CDK13: variants seen among roughly 807,000 people sequenced by gnomAD.
The protein encoded by CDK13 is cyclin-dependent kinase 13.
In CDK13, 40 loss-of-function variants were observed where a neutral mutation model predicts 137.6. The observed-to-expected ratio is 0.29, with a 90% CI of 0.23 to 0.38. The LOEUF (loss-of-function observed/expected upper bound fraction) is 0.38. Ranked by LOEUF, CDK13 falls within the 10% of genes least tolerant of loss-of-function variation. The pLI is 1.00. For missense variants in CDK13, 1,704 were observed against 1,951.8 expected (o/e 0.87, Z 2.39); for synonymous variants, 869 against 760.1 (o/e 1.14, Z -2.36).
At chr7:40,063,544 C>A (rs1408331471) in intron 9 of CDK13, among the ~76,000 whole-genome samples, 1 of 152,154 alleles carries the variant, frequency 6.6e-6, no homozygotes, top group East Asian at 1.9e-4. Context: ...CACTAAAATA[C>A]ATGCATATAC....
At chr7:40,091,243 G>A (rs779925618) in intron 12 of CDK13, among the ~76,000 whole-genome samples, 25 of 152,220 alleles carry the variant, frequency 1.6e-4, no homozygotes, top group Admixed American at 1.6e-3. Context: ...AGCTACTCGG[G>A]AGGCTGAGGC....
chr7:39,951,927 C>T, intron 1 of CDK13, 75 bp downstream of exon 1: 1 of 1,304,804 alleles, frequency 7.7e-7, no homozygotes, highest in Non-Finnish European at 9.8e-7. Flanking sequence ...AAAGTGGTGC[C>T]CGGGTCCTCA....
chr7:39,962,286 C>T (rs1783761915), intron 1 of CDK13, among the ~76,000 whole-genome samples: 1 of 152,214 alleles, frequency 6.6e-6, no homozygotes, highest in African/African-American at 2.4e-5. Flanking sequence ...TCCACATCCT[C>T]TCCAGCACCT....
chr7:40,027,929 C>CTT (rs1415883890), intron 5 of CDK13, among the ~76,000 whole-genome samples: 1 of 151,842 alleles, frequency 6.6e-6, no homozygotes, highest in Non-Finnish European at 1.5e-5. Flanking sequence ...GGAACGTAGG[C>CTT]CCTTGCCATA....
At chr7:40,025,407 A>T (rs752847201) in intron 5 of CDK13, among the ~76,000 whole-genome samples, 20 of 152,116 alleles carry the variant, frequency 1.3e-4, no homozygotes, top group Admixed American at 8.5e-4. Context: ...GTTTATATAA[A>T]ATTATAATTT....
At chr7:40,042,022 T>C (rs2150512530) in intron 5 of CDK13, among the ~76,000 whole-genome samples, 1 of 152,320 alleles carries the variant, frequency 6.6e-6, no homozygotes, top group East Asian at 1.9e-4. Context: ...AGGCATTCTT[T>C]TGCATATTGA....
chr7:40,093,937 A>G (rs1584098601), intron 13 of CDK13, among the ~76,000 whole-genome samples, 193 bp from the exon 14 acceptor site: 2 of 149,978 alleles, frequency 1.3e-5, no homozygotes, highest in Admixed American at 6.6e-5. Context: ...TTTTTTTTTT[A>G]AAGAGAAGCC....
chr7:40,060,722 T>TA (rs2150525517), intron 7 of CDK13: 1 of 152,302 alleles, frequency 6.6e-6, no homozygotes, highest in South Asian at 2.1e-4. Flanking sequence ...TACTGTGTTG[T>TA]AAAGGAAGTA....
rs373200930 is a variant in CDK13, at chr7:39,962,554, T to G, written c.1211+10702T>G. On this transcript the variant is annotated intron_variant, in intron 1 of 13. Coordinates refer to ENST00000181839, the MANE Select transcript of CDK13 (RefSeq NM_003718.5). ...TTAGCCCTTTGTCACTTGAGTAGAT[T>G]GCAGAAATTTTCTCCCATTTTGTAG... is the stretch of plus-strand genomic sequence containing the variant. Among the ~76,000 whole-genome samples the G allele has an allele frequency of 2.0e-5, 3 of 152,372 alleles. No individual in the cohort carries two copies. In the East Asian group the frequency reaches 5.8e-4, roughly 29 times the overall value.
chr7:40,015,089 T>TA (rs1330780712), intron 5 of CDK13, among the ~76,000 whole-genome samples: 3 of 152,194 alleles, frequency 2.0e-5, no homozygotes, highest in Admixed American at 6.5e-5. Context: ...AATAATGTCT[T>TA]AAAGGAAAAA....
intron 1 of CDK13, among the ~76,000 whole-genome samples, chr7:39,958,194 C>G (rs1787482399): frequency 6.7e-6 from 1 of 148,718 alleles, no homozygotes; most frequent in Non-Finnish European, 1.5e-5. Context: ...TGAGAGGAAC[C>G]GAAAATGGTA....
At position 40,074,413 on chromosome 7, in the gene CDK13, C is replaced by T. The variant is rs184601900; in HGVS notation, c.2781-3592C>T. Among the ~76,000 whole-genome samples, 9 of 149,770 alleles carry T rather than the reference C, an allele frequency of 6.0e-5. No homozygotes were observed. The South Asian group carries it at 8.5e-4, about 14-fold the overall frequency. ...TGGCAGGTGCTTGTAGTCCCAGCTA[C>T]GTGGGAGGCTGAGGCAGGAGAATGG... is the stretch of plus-strand genomic sequence containing the variant. On this transcript the variant is annotated intron_variant, in intron 9 of 13. Transcript: ENST00000181839.
chr7:39,993,579 A>G (rs1006885926), intron 2 of CDK13, among the ~76,000 whole-genome samples: 2 of 152,096 alleles, frequency 1.3e-5, no homozygotes, highest in East Asian at 3.9e-4. Flanking sequence ...TTTTATTATT[A>G]TTTTTAAAAT....
At chr7:39,960,534 G>A (rs1237487036) in intron 1 of CDK13, among the ~76,000 whole-genome samples, 1 of 151,848 alleles carries the variant, frequency 6.6e-6, no homozygotes, top group Non-Finnish European at 1.5e-5. Flanking sequence ...TGGGATTACA[G>A]GCATGAGCCA....
Position 39,950,733 on chromosome 7 carries a change from T to A in CDK13, c.92T>A (p.Phe31Tyr). The A allele has an allele frequency of 2.7e-6, 4 of 1,469,844 alleles. No homozygotes were observed. The highest frequency in any genetic ancestry group is 3.6e-6 in the Non-Finnish European group (4 of 1,118,496). The allele number at this position is 1,469,844 out of a possible 1,614,324, so 91.1% of individuals were successfully genotyped here. A position where few individuals can be genotyped will look rare whatever the true frequency, so the allele number is the denominator to read the frequency against. The change falls in exon 1 of 14, where the codon TTC (phenylalanine) becomes TAC (tyrosine). Residue 31 changes from phenylalanine (F) to tyrosine (Y), a missense_variant. By Grantham distance (22) the Phe-to-Tyr change is conservative (BLOSUM62 3). Transcript: ENST00000181839. ...KLEERRKRRR[F>Y]LSPQQPPLLL... ...GAGGAACGCCGCAAGCGGAGGCGAT[T>A]CCTGTCCCCTCAGCAGCCGCCGCTG...
chr7:40,031,675 T>G (rs1785382243), intron 5 of CDK13, among the ~76,000 whole-genome samples: 1 of 152,060 alleles, frequency 6.6e-6, no homozygotes, highest in African/African-American at 2.4e-5. Context: ...AGACAGGATC[T>G]CGCTCTGTCA....
rs185832749 is a variant in CDK13, at chr7:39,984,148, C to T, written c.1212-3451C>T. The T allele has an allele frequency of 6.1e-3, 925 of 152,302 alleles. 5 individuals are homozygous for T. The highest frequency in any genetic ancestry group is 9.7e-3 in the Non-Finnish European group (658 of 68,054). 9.4% of individuals were successfully genotyped at this position (152,302 alleles called of 1,614,324 possible). A position where few individuals can be genotyped will look rare whatever the true frequency, so the allele number is the denominator to read the frequency against. ...AACGGAAATTTTCAGTGTCCAGGCA[C>T]GGTGGCTCATGCCTGTAATCCCAGC... On this transcript the variant is annotated intron_variant, in intron 1 of 13. Coordinates refer to ENST00000181839, the MANE Select transcript of CDK13 (RefSeq NM_003718.5).
At chr7:39,996,142 AGTT>A (rs1270180460) in intron 2 of CDK13, among the ~76,000 whole-genome samples, 1 of 152,210 alleles carries the variant, frequency 6.6e-6, no homozygotes, top group African/African-American at 2.4e-5. Flanking sequence ...GGTATTATTA[AGTT>A]GTTTTTATCA....
At chr7:40,058,008 A>C (rs1164196722) in intron 7 of CDK13, among the ~76,000 whole-genome samples, 1 of 152,228 alleles carries the variant, frequency 6.6e-6, no homozygotes, top group Non-Finnish European at 1.5e-5. Context: ...AAAGCAAATA[A>C]AATAACGACT....
Sources: allele counts gnomAD v4.1 joint callset (sites outside exome capture counted in the v4.1 genomes callset), GRCh38; gene constraint gnomAD v4.1.1; transcripts MANE v1.5; gene names NCBI Gene and HGNC (gene_info 2026-07-23, HGNC 2026-07-21).